DVL2: variants seen among roughly 807,000 people sequenced by gnomAD.
The protein encoded by DVL2 is segment polarity protein dishevelled homolog DVL-2.
A neutral mutation model predicts 69.8 loss-of-function variants in DVL2; 38 were observed. The observed-to-expected ratio is 0.54, with a 90% CI of 0.42 to 0.71. The LOEUF is 0.71. Among genes scored for constraint, DVL2 ranks in the 30% least tolerant of loss-of-function variants. The pLI, the probability that DVL2 is intolerant of heterozygous loss-of-function variation, is 0.00. For synonymous variants in DVL2, 428 were observed against 392.4 expected (o/e 1.09, Z -1.07); for missense variants, 931 against 1,008.1 (o/e 0.92, Z 1.04).
At chr17:7,230,532 GAGCAAAAAAACCT>G in intron 2 of DVL2, 102 bp from the exon 3 acceptor site, 1 of 1,496,114 alleles carries the variant, frequency 6.7e-7, no homozygotes, top group Non-Finnish European at 9.1e-7. Context: ...AGCTGGAGAA[GAGCAAAAAAACCT>G]AGCAAGTATT....
At chr17:7,226,690 C>T (rs954190070) in intron 13 of DVL2, 51 bp from the exon 14 acceptor site, 1 of 1,347,246 alleles carries the variant, frequency 7.4e-7, no homozygotes, top group African/African-American at 1.5e-5. Context: ...GAGGCTAGGG[C>T]CCCAAGACAC....
intron 2 of DVL2, 116 bp downstream of exon 2, chr17:7,230,612 A>G: frequency 7.6e-7 from 1 of 1,316,340 alleles, no homozygotes; most frequent in Non-Finnish European, 1.1e-6. Flanking sequence ...AACAGACAGG[A>G]GGTAAAGAGC....
At chr17:7,227,846 CCT>C in intron 10 of DVL2, 63 bp from the exon 11 acceptor site, 1 of 1,556,554 alleles carries the variant, frequency 6.4e-7, no homozygotes, top group South Asian at 1.2e-5. Context: ...CCAGTCCCTC[CCT>C]GACTCAGCCT....
At position 7,229,863 on chromosome 17, in the gene DVL2, T is replaced by C; in HGVS notation, c.601A>G (p.Ser201Gly). ...GYESSSTLMT[S>G]ELESTSLGDS... ...CCCAGGCTGGTACTCTCCAGCTCGC[T>C]GGTCATGAGGGTAGAGGAGCTCTCG... The change falls in exon 5 of 15, where the codon AGC becomes GGC. Residue 201 changes from serine (S) to glycine (G), a missense_variant. By Grantham distance (56) the Ser-to-Gly change is moderately conservative. Coordinates refer to ENST00000005340, the MANE Select transcript of DVL2 (RefSeq NM_004422.3). This position sits in a 1 kb window ranked among gnomAD's most constrained non-coding sequence, Gnocchi z 4.4. 1.2e-6 allele frequency: 2 copies of C among 1,612,060 alleles called. No homozygotes were observed. The highest frequency in any genetic ancestry group is 1.1e-5 in the South Asian group (1 of 91,082).
At chr17:7,232,212 G>T (rs943107290) in intron 1 of DVL2, among the ~76,000 whole-genome samples, 1 of 152,138 alleles carries the variant, frequency 6.6e-6, no homozygotes, top group Admixed American at 6.5e-5. Context: ...AACGTATAAA[G>T]CATCAGACTC....
intron 13 of DVL2, 183 bp downstream of exon 13, chr17:7,226,907 G>C: frequency 1.5e-6 from 1 of 682,026 alleles, no homozygotes; most frequent in Non-Finnish European, 2.4e-6. Flanking sequence ...CACATGGCTT[G>C]TCCAGCAGCA....
chr17:7,230,842 C>G (rs773219063), intron 1 of DVL2, 45 bp from the exon 2 acceptor site: 1 of 1,435,956 alleles, frequency 7.0e-7, no homozygotes, highest in South Asian at 1.2e-5. Context: ...ACCAACCATC[C>G]CCACCCCGAC....
intron 1 of DVL2, among the ~76,000 whole-genome samples, chr17:7,231,916 C>T (rs889825811): frequency 6.6e-6 from 1 of 151,620 alleles, no homozygotes; most frequent in Non-Finnish European, 1.5e-5. Flanking sequence ...ATGGAAGTTC[C>T]TCATTAGACT....
At chr17:7,227,584 G>T (rs1002925080) in intron 11 of DVL2, 49 bp from the exon 12 acceptor site, 1 of 1,613,114 alleles carries the variant, frequency 6.2e-7, no homozygotes, top group African/African-American at 1.3e-5. Context: ...GCTCCCACAA[G>T]GGCAATGGAT....
Position 7,227,989 on chromosome 17 carries a change from T to A in DVL2, c.1090A>T (p.Thr364Ser). The A allele has an allele frequency of 6.4e-7, 1 of 1,563,444 alleles. No homozygotes were observed. The highest frequency in any genetic ancestry group is 8.6e-7 in the Non-Finnish European group (1 of 1,156,214). The change falls in exon 10 of 15, where the codon ACT (threonine) becomes TCT (serine). Residue 364 changes from threonine to serine, a missense_variant. Around this residue, in one of 3 missense-constraint regions of DVL2, gnomAD observed 555 missense variants for 588.8 expected, o/e 0.94. Coordinates refer to ENST00000005340, the MANE Select transcript of DVL2 (RefSeq NM_004422.3). ...CWDPSPQAYF[T>S]LPRNEPIQPI... is the part of the protein sequence containing the mutation. ...GAGTGTCACTCACTTCGGGGGAGAG[T>A]GAAATAGGCCTGAGGAGAGGGATCC...
rs1380661512 is a variant in DVL2, at chr17:7,226,155, T to C, written c.1921A>G (p.Ser641Gly). 1 of 1,609,608 alleles carries C rather than the reference T, an allele frequency of 6.2e-7. No individual in the cohort carries two copies. The highest frequency in any genetic ancestry group is 1.1e-5 in the South Asian group (1 of 90,832). ...LRRGGEASGT[S>G]DGGPPPSRGS... The stretch of plus-strand genomic sequence containing the variant: ...CTGGATGGAGGAGGGCCCCCATCGC[T>C]AGTCCCACTTGCTTCCCCACCCCGC... The change falls in exon 15 of 15, where the codon AGC (serine) becomes GGC (glycine). Residue 641 changes from serine to glycine, a missense_variant. Transcript: ENST00000005340.
chr17:7,234,391 A>C lies in DVL2; in HGVS notation c.-129T>G. 4.6e-6 allele frequency: 5 copies of C among 1,087,344 alleles called. No individual in the cohort carries two copies. Among genetic ancestry groups the C allele is most frequent in the Non-Finnish European group, 6.5e-6 (5 of 770,938 alleles). The allele number at this position is 1,087,344 out of a possible 1,614,324, so 67.4% of individuals were successfully genotyped here. A position where few individuals can be genotyped will look rare whatever the true frequency, so the allele number is the denominator to read the frequency against. On this transcript the variant is annotated 5_prime_UTR_variant, in exon 1 of 15. Transcript: ENST00000005340. ...CTGACCCAGTACGGGAGAGAAGCAA[A>C]GGGGAAAAAGCACGGATCTGCGAGG...
rs751086029 is a variant in DVL2 at position 7,226,304 on chromosome 17, C to T, written c.1772G>A (p.Ser591Asn). The change falls in exon 15 of 15, where the codon AGC becomes AAC. Residue 591 changes from serine (S) to asparagine (N), a missense_variant. Coordinates refer to ENST00000005340, the MANE Select transcript of DVL2 (RefSeq NM_004422.3). ...CCCATCACTCCGTGTCGACCCACTG[C>T]TCCGGCTGCCTGTGGAGGGAGGGGA... is the stretch of plus-strand genomic sequence containing the variant. ...ASSQHSEGSR[S>N]SGSTRSDGGA... 6.4e-6 allele frequency: 10 copies of T among 1,563,994 alleles called. No individual in the cohort carries two copies. In the South Asian group the frequency reaches 9.6e-5, roughly 15 times the overall value.
chr17:7,230,619 G>C (rs2071528343), intron 2 of DVL2, 109 bp downstream of exon 2: 4 of 1,341,422 alleles, frequency 3.0e-6, no homozygotes, highest in East Asian at 2.3e-5. Context: ...AGGAGGTAAA[G>C]AGCCAGGGCT....
At position 7,234,365 on chromosome 17, in the gene DVL2, A is replaced by G; in HGVS notation, c.-103T>C. 7.5e-7 allele frequency: 1 copy of G among 1,328,602 alleles called. No homozygotes were observed. Among genetic ancestry groups the G allele is most frequent in the African/African-American group, 1.5e-5 (1 of 67,992 alleles). The allele number at this position is 1,328,602 out of a possible 1,614,324, so 82.3% of individuals were successfully genotyped here. A position where few individuals can be genotyped will look rare whatever the true frequency, so the allele number is the denominator to read the frequency against. ...AAACCGACGCGCGAGCGCGGACAGG[A>G]CTGACCCAGTACGGGAGAGAAGCAA... On this transcript the variant is annotated 5_prime_UTR_variant, in exon 1 of 15. Coordinates refer to ENST00000005340, the MANE Select transcript of DVL2 (RefSeq NM_004422.3).
chr17:7,232,363 A>G (rs2071556236), intron 1 of DVL2, among the ~76,000 whole-genome samples: 1 of 152,218 alleles, frequency 6.6e-6, no homozygotes, highest in Admixed American at 6.5e-5. Flanking sequence ...TGTCAACGTG[A>G]CAACACAGCC....
Position 7,234,294 on chromosome 17 carries a change from C to A in DVL2, c.-32G>T. On this transcript the variant is annotated 5_prime_UTR_variant, in exon 1 of 15. Transcript: ENST00000005340. ...GCCCGCGCGCTCCCGGGCTCCACCGCCCACCCAAAGGGCTAATGGCCCCTG... is the reference window on the plus strand; with the variant it reads ...GCCCGCGCGCTCCCGGGCTCCACCGACCACCCAAAGGGCTAATGGCCCCTG... 1.3e-6 allele frequency: 2 copies of A among 1,596,414 alleles called. No homozygotes were observed. Among genetic ancestry groups the A allele is most frequent in the Non-Finnish European group, 1.7e-6 (2 of 1,171,616 alleles).
chr17:7,229,149 C>T lies in DVL2; in HGVS notation c.943G>A (p.Asp315Asn). 2 of 1,614,116 alleles carry T rather than the reference C, an allele frequency of 1.2e-6. No homozygotes were observed. The highest frequency in any genetic ancestry group is 1.7e-6 in the Non-Finnish European group (2 of 1,179,966). ...CCCCAGCACACCTGCAAAAGCATGTCCCCTGGCTCAATGCGCCCGTCGGCC... is the reference window on the plus strand; with the variant it reads ...CCCCAGCACACCTGCAAAAGCATGTTCCCTGGCTCAATGCGCCCGTCGGCC... Reference protein sequence around the residue: ...VAADGRIEPGDMLLQVNDMNF... With the variant: ...VAADGRIEPGNMLLQVNDMNF... The change falls in exon 8 of 15, where the codon GAC (aspartate) becomes AAC (asparagine). Residue 315 changes from aspartate to asparagine, a missense_variant. Asp to Asn is a conservative substitution (Grantham distance 23). This residue lies in a region of DVL2 where 555 missense variants were observed against 588.8 expected (regional missense o/e 0.94). Coordinates refer to ENST00000005340, the MANE Select transcript of DVL2 (RefSeq NM_004422.3). This position sits in a 1 kb window ranked among gnomAD's most constrained non-coding sequence, Gnocchi z 4.4.
At position 7,230,627 on chromosome 17, in the gene DVL2, G is replaced by A. The variant is rs548982875; in HGVS notation, c.264+101C>T. ...AACAGACAGGAGGTAAAGAGCCAGGGCTGCTAACGCGCGGCCTGGGGAGGA... is the reference window on the plus strand; with the variant it reads ...AACAGACAGGAGGTAAAGAGCCAGGACTGCTAACGCGCGGCCTGGGGAGGA... On this transcript the variant is annotated intron_variant, in intron 2 of 14. Coordinates refer to ENST00000005340, the MANE Select transcript of DVL2 (RefSeq NM_004422.3). The A allele has an allele frequency of 7.3e-5, 99 of 1,356,300 alleles. No individual in the cohort carries two copies. The African/African-American group carries it at 1.4e-3, about 19-fold the overall frequency. The allele number at this position is 1,356,300 out of a possible 1,614,324, so 84.0% of individuals were successfully genotyped here.
Sources: allele counts gnomAD v4.1 joint callset (sites outside exome capture counted in the v4.1 genomes callset), GRCh38; gene constraint gnomAD v4.1.1; regional missense constraint gnomAD v4.1.1; non-coding constraint Gnocchi (gnomAD v3.1); transcripts MANE v1.5; gene names NCBI Gene and HGNC (gene_info 2026-07-23, HGNC 2026-07-21).